Variants in CAMTA1 observed in about 807,000 individuals in gnomAD.
CAMTA1 encodes calmodulin-binding transcription activator 1.
Under a neutral mutation model 170.9 loss-of-function variants are expected in CAMTA1, and 27 were observed. The ratio of observed to expected loss-of-function variants is 0.16; its 90% CI spans 0.12 to 0.22. The LOEUF (loss-of-function observed/expected upper bound fraction) is 0.22, where lower values mean the gene tolerates loss of function less well. CAMTA1 is among the 10% of genes least tolerant of loss of function. The pLI is 1.00. For synonymous variants in CAMTA1, 833 were observed against 891.5 expected (o/e 0.93, Z 1.17); for missense variants, 1,619 against 2,217.2 (o/e 0.73, Z 5.42).
intron 5 of CAMTA1, among the ~76,000 whole-genome samples, chr1:7,365,988 A>G (rs2085937413): frequency 6.6e-6 from 1 of 152,152 alleles, no homozygotes; most frequent in Non-Finnish European, 1.5e-5. Context: ...CTCACTTGGC[A>G]CTATCACATG....
At chr1:7,692,547 G>C (rs757173157) in intron 11 of CAMTA1, among the ~76,000 whole-genome samples, 3 of 152,102 alleles carry the variant, frequency 2.0e-5, no homozygotes, top group Admixed American at 1.3e-4. Context: ...GAATGAATGA[G>C]TGAGTAGGTG....
At chr1:7,026,782 C>T (rs1272239613) in intron 3 of CAMTA1, among the ~76,000 whole-genome samples, 1 of 151,962 alleles carries the variant, frequency 6.6e-6, no homozygotes. Flanking sequence ...AAGCACGTGC[C>T]ACCACATCCA....
intron 6 of CAMTA1, among the ~76,000 whole-genome samples, chr1:7,489,038 C>G (rs1000459051): frequency 1.3e-5 from 2 of 152,236 alleles, no homozygotes; most frequent in African/African-American, 4.8e-5. Context: ...AAGAGGGACA[C>G]AGAGCCTCTG....
At chr1:7,317,844 A>G (rs1402766838) in intron 5 of CAMTA1, among the ~76,000 whole-genome samples, 1 of 152,250 alleles carries the variant, frequency 6.6e-6, no homozygotes, top group Non-Finnish European at 1.5e-5. Context: ...AAAAAAAATA[A>G]TAATTGTAAA....
chr1:6,989,855 T>C (rs1696035709), intron 3 of CAMTA1, among the ~76,000 whole-genome samples: 1 of 151,502 alleles, frequency 6.6e-6, no homozygotes, highest in Non-Finnish European at 1.5e-5. Context: ...TATTTTGCCA[T>C]TATTTACTGA....
chr1:6,882,725 C>T (rs1489667692), intron 3 of CAMTA1, among the ~76,000 whole-genome samples: 2 of 151,916 alleles, frequency 1.3e-5, no homozygotes, highest in Non-Finnish European at 2.9e-5. Context: ...TGAGTGTTTT[C>T]AGCATATAGG....
intron 5 of CAMTA1, among the ~76,000 whole-genome samples, chr1:7,421,303 C>A (rs150813723): frequency 0.015 from 2,340 of 152,154 alleles, 59 homozygotes; most frequent in African/African-American, 0.053. Context: ...CAGGCGCCCG[C>A]CACCACACCC....
At chr1:7,671,098 C>T (rs576469769) in intron 10 of CAMTA1, 61 bp downstream of exon 10, 26 of 1,588,462 alleles carry the variant, frequency 1.6e-5, no homozygotes, top group African/African-American at 5.4e-5. Context: ...GCACTGGACT[C>T]GGAGTTGGCC....
At chr1:7,271,056 C>T (rs1045807578) in intron 5 of CAMTA1, among the ~76,000 whole-genome samples, 1 of 152,116 alleles carries the variant, frequency 6.6e-6, no homozygotes, top group African/African-American at 2.4e-5. Context: ...GCATATCCCC[C>T]CAATTTTTAC....
At chr1:7,655,324 A>G (rs1462562197) in intron 7 of CAMTA1, among the ~76,000 whole-genome samples, 2 of 149,178 alleles carry the variant, frequency 1.3e-5, no homozygotes, top group Non-Finnish European at 3.0e-5. Flanking sequence ...ATACACACCT[A>G]TACACACAAA....
Position 7,251,601 on chromosome 1 carries a change from A to AGT in CAMTA1, c.438+1975_438+1976insGT, listed in dbSNP as rs1384891400. 6.6e-6 allele frequency among the ~76,000 whole-genome samples: 1 copy of AGT among 152,036 alleles called. No individual in the cohort carries two copies. The highest frequency in any genetic ancestry group is 1.5e-5 in the Non-Finnish European group (1 of 68,012). On this transcript the variant is annotated intron_variant, in intron 5 of 22. Transcript: ENST00000303635. This position sits in a 1 kb window ranked among gnomAD's most constrained non-coding sequence, Gnocchi z 5.1. ...CCACTGAGCCACTCAGCAGATATCGACCCTGTGTGCCTACTCTGTGCAAGG... is the reference window on the plus strand; with the variant it reads ...CCACTGAGCCACTCAGCAGATATCGAGTCCCTGTGTGCCTACTCTGTGCAAGG...
Position 6,823,565 on chromosome 1 carries a change from T to A in CAMTA1, c.116-1527T>A, listed in dbSNP as rs189104469. Among the ~76,000 whole-genome samples, 3 of 152,278 alleles carry A rather than the reference T, an allele frequency of 2.0e-5. No homozygotes were observed. In the East Asian group the frequency reaches 5.8e-4, roughly 29 times the overall value. The stretch of plus-strand genomic sequence containing the variant: ...AAAAAGATTTAGTATGCCAAAACTC[T>A]CTTAAGTTCATCTCCATAAAATCTT... On this transcript the variant is annotated intron_variant, in intron 2 of 22. Coordinates refer to ENST00000303635, the MANE Select transcript of CAMTA1 (RefSeq NM_015215.4).
Position 7,244,581 on chromosome 1 carries a change from G to T in CAMTA1, c.303-4910G>T, listed in dbSNP as rs1319896482. 3.3e-5 allele frequency among the ~76,000 whole-genome samples: 5 copies of T among 152,300 alleles called. No homozygotes were observed. In the East Asian group the frequency reaches 9.6e-4, roughly 29 times the overall value. ...CAGCCATAAAAAATGATGAGTTCAT[G>T]TCCTTTGTAGGGACATGGATGAAGC... On this transcript the variant is annotated intron_variant, in intron 4 of 22. Coordinates refer to ENST00000303635, the MANE Select transcript of CAMTA1 (RefSeq NM_015215.4).
In CAMTA1 at chr1:6,798,427, A is replaced by G. The variant is rs17029852; in HGVS notation, c.45+12852A>G. ...AGTCTGGAATACTGGCGGTAGCATC[A>G]GAATTATTTATTTATTTATCTTTTG... On this transcript the variant is annotated intron_variant, in intron 1 of 22. Transcript: ENST00000303635. 0.012 allele frequency among the ~76,000 whole-genome samples: 1,779 copies of G among 152,218 alleles called. 170 individuals are homozygous for G. The East Asian group carries it at 0.25, about 21-fold the overall frequency.
At chr1:7,480,583 T>C (rs148402007) in intron 6 of CAMTA1, among the ~76,000 whole-genome samples, 40 of 152,204 alleles carry the variant, frequency 2.6e-4, no homozygotes, top group African/African-American at 9.4e-4. Flanking sequence ...GCCATCGTCA[T>C]GTTTCCTGGC....
intron 4 of CAMTA1, among the ~76,000 whole-genome samples, chr1:7,210,481 T>C (rs1000091190): frequency 2.6e-5 from 4 of 152,168 alleles, no homozygotes; most frequent in Non-Finnish European, 4.4e-5. Context: ...ACTTTGACCA[T>C]TGGTTAGGAT....
chr1:7,444,916 T>A (rs1429827726), intron 5 of CAMTA1, among the ~76,000 whole-genome samples: 1 of 152,014 alleles, frequency 6.6e-6, no homozygotes, highest in African/African-American at 2.4e-5. Flanking sequence ...AATATAGAAC[T>A]GAGTGTGACA....
rs369483303 is a variant in CAMTA1 at position 7,752,423 on chromosome 1, A to T, written c.4884-36A>T. 6 of 1,590,122 alleles carry T rather than the reference A, an allele frequency of 3.8e-6. No individual in the cohort carries two copies. The East Asian group carries it at 1.3e-4, about 36-fold the overall frequency. ...AGTTTTCCATATTGGGCTTTACTGT[A>T]ACCTTCTTGTGACAATAATATTCTG... On this transcript the variant is annotated intron_variant, in intron 20 of 22. Transcript: ENST00000303635.
chr1:7,481,160 T>C (rs2093526901), intron 6 of CAMTA1, among the ~76,000 whole-genome samples: 1 of 152,164 alleles, frequency 6.6e-6, no homozygotes, highest in African/African-American at 2.4e-5. Context: ...CCCTCCTTCT[T>C]AGCCTGTGCT....
Sources: allele counts gnomAD v4.1 joint callset (sites outside exome capture counted in the v4.1 genomes callset), GRCh38; gene constraint gnomAD v4.1.1; non-coding constraint Gnocchi (gnomAD v3.1); transcripts MANE v1.5; gene names NCBI Gene and HGNC (gene_info 2026-07-23, HGNC 2026-07-21).